ADGRL2: variants seen among roughly 807,000 people sequenced by gnomAD.
ADGRL2 encodes the protein adhesion G protein-coupled receptor L2, also known as calcium-independent alpha-latrotoxin receptor 2.
In ADGRL2, 44 loss-of-function variants were observed where a neutral mutation model predicts 157.4. That is an observed-to-expected ratio of 0.28 (90% confidence interval 0.22 to 0.36). ADGRL2 has a LOEUF of 0.36. Among genes scored for constraint, ADGRL2 ranks in the 10% least tolerant of loss-of-function variants. The pLI, the probability that ADGRL2 is intolerant of heterozygous loss-of-function variation, is 1.00. For synonymous variants in ADGRL2, 585 were observed against 624.7 expected (o/e 0.94, Z 0.95); for missense variants, 1,510 against 1,768.9 (o/e 0.85, Z 2.63).
chr1:81,566,213 C>T (rs541161205), intron 2 of ADGRL2, among the ~76,000 whole-genome samples: 4 of 152,206 alleles, frequency 2.6e-5, no homozygotes, highest in East Asian at 1.9e-4. Context: ...GTATTGGTTC[C>T]TGCAAACATG....
intron 2 of ADGRL2, among the ~76,000 whole-genome samples, chr1:81,472,386 G>A (rs886497877): frequency 1.3e-5 from 2 of 152,174 alleles, no homozygotes; most frequent in Admixed American, 1.3e-4. Context: ...AGCACTTTGC[G>A]AGGCCGAGGG....
chr1:81,350,240 C>T (rs968473233), intron 1 of ADGRL2, among the ~76,000 whole-genome samples: 3 of 152,130 alleles, frequency 2.0e-5, no homozygotes, highest in African/African-American at 7.2e-5. Flanking sequence ...TAATATAACT[C>T]TATCATAGGA....
intron 4 of ADGRL2, among the ~76,000 whole-genome samples, chr1:81,939,380 T>A (rs1647183126): frequency 6.6e-6 from 1 of 151,540 alleles, no homozygotes; most frequent in Non-Finnish European, 1.5e-5. Flanking sequence ...GTAATCAGAT[T>A]GGAATTTTGC....
At chr1:81,614,773 C>T (rs542208719) in intron 3 of ADGRL2, among the ~76,000 whole-genome samples, 15 of 151,912 alleles carry the variant, frequency 9.9e-5, no homozygotes, top group South Asian at 6.2e-4. Context: ...GCTTGTAATC[C>T]GAGCACTTTG....
chr1:81,915,098 G>C (rs138718948), intron 3 of ADGRL2, among the ~76,000 whole-genome samples: 22 of 152,152 alleles, frequency 1.4e-4, no homozygotes, highest in African/African-American at 7.2e-5. Context: ...TAGGATCCTT[G>C]GTTTCTCCTT....
At chr1:81,450,811 G>A (rs2101736883) in intron 2 of ADGRL2, among the ~76,000 whole-genome samples, 1 of 152,120 alleles carries the variant, frequency 6.6e-6, no homozygotes, top group Non-Finnish European at 1.5e-5. Flanking sequence ...TGCTTTTTCT[G>A]GAAAGTAAAG....
intron 3 of ADGRL2, among the ~76,000 whole-genome samples, chr1:81,609,885 T>G (rs1306587368): frequency 6.6e-6 from 1 of 152,220 alleles, no homozygotes; most frequent in African/African-American, 2.4e-5. Flanking sequence ...CCTTGAATTT[T>G]TCTAGCAGTC....
intron 1 of ADGRL2, among the ~76,000 whole-genome samples, chr1:81,752,833 A>G (rs929422252): frequency 6.6e-6 from 1 of 152,258 alleles, no homozygotes; most frequent in Non-Finnish European, 1.5e-5. Context: ...TACAGTAGGT[A>G]TTAAAATAGC....
intron 1 of ADGRL2, among the ~76,000 whole-genome samples, chr1:81,381,753 CT>C (rs1158163608): frequency 6.6e-6 from 1 of 152,098 alleles, no homozygotes; most frequent in Admixed American, 6.5e-5. Flanking sequence ...CATGTTTTCT[CT>C]CCTTAAATTA....
At chr1:81,944,142 T>C (rs187808662) in intron 6 of ADGRL2, among the ~76,000 whole-genome samples, 4 of 152,096 alleles carry the variant, frequency 2.6e-5, no homozygotes, top group East Asian at 3.9e-4. Context: ...AAAGGAAACG[T>C]GTGTTAGGAA....
intron 3 of ADGRL2, among the ~76,000 whole-genome samples, chr1:81,634,248 A>G (rs532253604): frequency 1.3e-5 from 2 of 152,312 alleles, no homozygotes; most frequent in African/African-American, 4.8e-5. Context: ...CCAGACTACT[A>G]CAAAAGCTTC....
intron 1 of ADGRL2, among the ~76,000 whole-genome samples, chr1:81,319,205 C>A (rs969650431): frequency 2.0e-5 from 3 of 151,978 alleles, no homozygotes; most frequent in African/African-American, 7.3e-5. Context: ...CCTCGGCCTC[C>A]CAAAGTGCTG....
At chr1:81,896,824 C>T (rs1039890119) in intron 2 of ADGRL2, among the ~76,000 whole-genome samples, 1 of 152,256 alleles carries the variant, frequency 6.6e-6, no homozygotes, top group Non-Finnish European at 1.5e-5. Flanking sequence ...GTTACCTGCT[C>T]TGATAGAGGA....
At chr1:81,489,991 A>G (rs1265266613) in intron 2 of ADGRL2, among the ~76,000 whole-genome samples, 3 of 148,274 alleles carry the variant, frequency 2.0e-5, no homozygotes, top group East Asian at 4.0e-4. Flanking sequence ...ATGAGAGACT[A>G]TATAGTAACT....
intron 10 of ADGRL2, among the ~76,000 whole-genome samples, chr1:81,955,561 C>T (rs1352524761): frequency 2.6e-5 from 4 of 152,086 alleles, no homozygotes; most frequent in African/African-American, 9.7e-5. Flanking sequence ...AGTAATGTCT[C>T]AGATTAAGAG....
At chr1:81,813,807 T>A (rs1466444279) in intron 1 of ADGRL2, among the ~76,000 whole-genome samples, 1 of 151,684 alleles carries the variant, frequency 6.6e-6, no homozygotes, top group East Asian at 1.9e-4. Context: ...ATTACCTTTT[T>A]TCCCCCTAAT....
chr1:81,632,021 A>G (rs1291729102), intron 3 of ADGRL2, among the ~76,000 whole-genome samples: 1 of 152,236 alleles, frequency 6.6e-6, no homozygotes, highest in African/African-American at 2.4e-5. Context: ...CTATAGCCAC[A>G]TAAGAAATAT....
intron 11 of ADGRL2, among the ~76,000 whole-genome samples, chr1:81,958,683 T>C (rs1654383333): frequency 6.6e-6 from 1 of 152,188 alleles, no homozygotes; most frequent in African/African-American, 2.4e-5. Context: ...TTTAAGTGTA[T>C]AGTTTGATGG....
intron 1 of ADGRL2, among the ~76,000 whole-genome samples, chr1:81,812,166 G>A (rs1232889140): frequency 6.6e-6 from 1 of 151,750 alleles, no homozygotes; most frequent in Non-Finnish European, 1.5e-5. Flanking sequence ...TTTTACTAAG[G>A]TAACTGCCCA....
Sources: gnomAD v4.1 joint callset for allele counts (sites outside exome capture counted in the v4.1 genomes callset) on GRCh38, gnomAD v4.1.1 for gene constraint, MANE v1.5 for transcripts, NCBI Gene and HGNC (gene_info 2026-07-23, HGNC 2026-07-21) for gene names.